LRRC56: variants seen among roughly 807,000 people sequenced by gnomAD.
LRRC56 encodes the protein leucine rich repeat containing 56, also known as leucine-rich repeat-containing protein 56.
LRRC56 carries 41 observed loss-of-function variants against 47.8 expected under a neutral mutation model. The ratio of observed to expected loss-of-function variants is 0.86; its 90% CI spans 0.67 to 1.11. LRRC56 has a LOEUF of 1.11. Ranked by LOEUF, LRRC56 falls within the 50% of genes most tolerant of loss-of-function variation. LRRC56 has a pLI of 0.00. For synonymous variants in LRRC56, 387 were observed against 311.2 expected (o/e 1.24, Z -2.56); for missense variants, 759 against 704.2 (o/e 1.08, Z -0.88).
At position 553,246 on chromosome 11, in the gene LRRC56, G is replaced by A. The variant is rs533685957; in HGVS notation, c.1315+544G>A. 4.8e-3 allele frequency among the ~76,000 whole-genome samples: 724 copies of A among 152,360 alleles called. 2 individuals are homozygous for A. Among genetic ancestry groups the A allele is most frequent in the Non-Finnish European group, 7.5e-3 (510 of 68,032 alleles). ...ACTTCAGTGTGATCACAGCTGCAAA[G>A]CAGAGAGGACCCTCCCTCAGCGGGC... is the stretch of plus-strand genomic sequence containing the variant. On this transcript the variant is annotated intron_variant, in intron 13 of 13. Coordinates refer to ENST00000270115, the MANE Select transcript of LRRC56 (RefSeq NM_198075.4).
the LRRC56 span, among the ~76,000 whole-genome samples, chr11:527,902 A>G: frequency 6.6e-6 from 1 of 151,430 alleles, no homozygotes; most frequent in Non-Finnish European, 1.5e-5. Context: ...GGGTTTCTCC[A>G]TGTCGGTCAG....
chr11:540,849 C>T lies in LRRC56; in HGVS notation c.165C>T (p.Ser55=), dbSNP rs1166267780. Residue 55 remains serine, a synonymous_variant, in exon 4 of 14, where the codon TCC becomes TCT. Coordinates refer to ENST00000270115, the MANE Select transcript of LRRC56 (RefSeq NM_198075.4). ...LGEQLVEEYL[S]PARLQALARV... ...AGCAGCTGGTGGAAGAGTACCTGTC[C>T]CCTGCCCGGCTGGTGAGTGTGGGCG... The T allele has an allele frequency of 6.4e-7, 1 of 1,562,886 alleles. No individual in the cohort carries two copies. The highest frequency in any genetic ancestry group is 8.7e-7 in the Non-Finnish European group (1 of 1,153,720).
the LRRC56 span, among the ~76,000 whole-genome samples, chr11:510,711 C>T: frequency 2.0e-5 from 3 of 151,864 alleles, no homozygotes; most frequent in Admixed American, 6.6e-5. Flanking sequence ...GCACTCCAGC[C>T]TGGGCAACAA....
rs1247814974 is a variant in LRRC56, at chr11:551,215, A to C, written c.709A>C (p.Thr237Pro). 1 of 1,546,628 alleles carries C rather than the reference A, an allele frequency of 6.5e-7. No homozygotes were observed. Among genetic ancestry groups the C allele is most frequent in the Non-Finnish European group, 8.7e-7 (1 of 1,144,754 alleles). ...QVLDEVPAAH[T>P]GPPAPPRLSQ... ...CCTGGACGAAGTGCCGGCCGCACAC[A>C]CAGGCCCACCGGCCCCCCCGCGGCT... The change falls in exon 9 of 14, where the codon ACA becomes CCA. Residue 237 changes from threonine (T) to proline (P), a missense_variant. Physicochemically the swap from Thr to Pro is conservative, Grantham distance 38. Transcript: ENST00000270115.
the LRRC56 span, among the ~76,000 whole-genome samples, chr11:510,523 C>T: frequency 1.7e-4 from 26 of 151,160 alleles, no homozygotes; most frequent in Admixed American, 3.3e-4. Flanking sequence ...AGATCATTTG[C>T]GGTCGGGAGT....
At chr11:517,830 A>G in the LRRC56 span, among the ~76,000 whole-genome samples, 1 of 152,252 alleles carries the variant, frequency 6.6e-6, no homozygotes, top group Non-Finnish European at 1.5e-5. Context: ...ACTAAGAAAA[A>G]TTCTTCTGTC....
chr11:550,335 C>T, intron 8 of LRRC56, 63 bp downstream of exon 8: 1 of 1,435,092 alleles, frequency 7.0e-7, no homozygotes, highest in Non-Finnish European at 9.2e-7. Context: ...GTGGCTCCAG[C>T]CCCGGGGCCC....
the LRRC56 span, among the ~76,000 whole-genome samples, chr11:510,086 T>G: frequency 2.6e-5 from 4 of 151,712 alleles, no homozygotes; most frequent in African/African-American, 9.7e-5. Flanking sequence ...CACCTGCCCC[T>G]CCCTCACATC....
chr11:533,231 C>G, upstream of LRRC56: 2 of 1,491,148 alleles, frequency 1.3e-6, no homozygotes, highest in Non-Finnish European at 9.0e-7. Flanking sequence ...GAGCCCAGAC[C>G]CCGGCCCTCG....
the LRRC56 span, among the ~76,000 whole-genome samples, chr11:527,657 G>A: frequency 2.9e-4 from 44 of 149,294 alleles, no homozygotes; most frequent in African/African-American, 9.4e-4. Flanking sequence ...TCAGCCTCCC[G>A]AGTAGCTGGG....
Position 554,753 on chromosome 11 carries a change from TCCGG to T in LRRC56, c.*478_*481del. On this transcript the variant is annotated 3_prime_UTR_variant, in exon 14 of 14. Coordinates refer to ENST00000270115, the MANE Select transcript of LRRC56 (RefSeq NM_198075.4). Reference sequence around the variant, plus strand: ...GGGGGTGCGGTCCAGGCCTCCCGTCTCCGGGGGATCTGTAGGGTTCCCGCACTGC... The same window carrying T: ...GGGGGTGCGGTCCAGGCCTCCCGTCTGGGATCTGTAGGGTTCCCGCACTGC... 2.1e-6 allele frequency: 1 copy of T among 487,134 alleles called. No homozygotes were observed. Among genetic ancestry groups the T allele is most frequent in the Non-Finnish European group, 3.6e-6 (1 of 275,386 alleles). 30.2% of individuals were successfully genotyped at this position (487,134 alleles called of 1,614,324 possible).
Position 544,644 on chromosome 11 carries a change from G to T in LRRC56, c.266-76G>T, listed in dbSNP as rs1589808573. The T allele has an allele frequency of 2.0e-6, 3 of 1,481,148 alleles. No homozygotes were observed. The Admixed American group carries it at 5.1e-5, about 25-fold the overall frequency. The allele number at this position is 1,481,148 out of a possible 1,614,324, so 91.8% of individuals were successfully genotyped here. On this transcript the variant is annotated intron_variant, in intron 5 of 13. Transcript: ENST00000270115. ...GCAGTGAGGGGCCGGGGGTGCTGAT[G>T]CCTAGGGGTGAAGGAGGGTGCAGAG...
upstream of LRRC56, chr11:537,012 G>A (rs1170421374): frequency 6.6e-6 from 1 of 152,200 alleles, no homozygotes; most frequent in Non-Finnish European, 1.5e-5. Context: ...GGGCACTCGG[G>A]TGCGCTCCGG....
chr11:537,428 C>G (rs1313680619), upstream of LRRC56: 1 of 152,256 alleles, frequency 6.6e-6, no homozygotes, highest in Non-Finnish European at 1.5e-5. Context: ...GGAACCCGAG[C>G]CCCCGGCGAC....
rs761092893 is a variant in LRRC56, at chr11:552,098, GC to G, written c.1053del (p.Glu352SerfsTer58). On this transcript the variant is annotated frameshift_variant, in exon 12 of 14. Transcript: ENST00000270115. LOFTEE classifies it high-confidence loss of function. Reference protein sequence around the residue: ...ERRHQCQAREPPEQLPQHRPG... With the variant: ...ERRHQCQAREXPEQLPQHRPG... ...TCCCTTTTCCTCCCCAGGCCAGGGA[GC>G]CCCCCGAGCAGCTGCCCCAACACAG... 8 of 1,610,396 alleles carry G rather than the reference GC, an allele frequency of 5.0e-6. No individual in the cohort carries two copies. The highest frequency in any genetic ancestry group is 6.8e-6 in the Non-Finnish European group (8 of 1,178,152).
chr11:543,043 C>G (rs550542958), intron 5 of LRRC56, among the ~76,000 whole-genome samples: 5 of 151,864 alleles, frequency 3.3e-5, no homozygotes, highest in African/African-American at 7.2e-5. Context: ...AGGCACTCAC[C>G]ACCACGCCCA....
intron 6 of LRRC56, among the ~76,000 whole-genome samples, chr11:546,251 C>T (rs1008892085): frequency 2.0e-5 from 3 of 151,512 alleles, no homozygotes; most frequent in Admixed American, 1.3e-4. Flanking sequence ...CCAGCCGGGG[C>T]AACAGAGCGA....
intron 13 of LRRC56, 43 bp downstream of exon 13, chr11:552,745 C>G: frequency 1.9e-6 from 3 of 1,544,530 alleles, no homozygotes; most frequent in East Asian, 2.3e-5. Flanking sequence ...TGGGAGTGAC[C>G]AACACCCCAC....
chr11:545,510 C>T (rs929784917), intron 6 of LRRC56, among the ~76,000 whole-genome samples: 4 of 150,310 alleles, frequency 2.7e-5, no homozygotes, highest in African/African-American at 1.0e-4. Context: ...CCAGACCAGA[C>T]GGCAGCCCCC....
Sources: gnomAD v4.1 joint callset for allele counts (sites outside exome capture counted in the v4.1 genomes callset) on GRCh38, gnomAD v4.1.1 for gene constraint, MANE v1.5 for transcripts, NCBI Gene and HGNC (gene_info 2026-07-23, HGNC 2026-07-21) for gene names.